WDR41: variants seen among roughly 807,000 people sequenced by gnomAD.
The protein encoded by WDR41 is WD repeat domain 41.
Under a neutral mutation model 69.3 loss-of-function variants are expected in WDR41, and 63 were observed. That is an observed-to-expected ratio of 0.91 (90% confidence interval 0.74 to 1.12). The LOEUF (loss-of-function observed/expected upper bound fraction) is 1.12. Among genes scored for constraint, WDR41 ranks in the 50% most tolerant of loss-of-function variants. The probability of loss-of-function intolerance (pLI) is 0.00; values close to 1 mark genes in which losing one functional copy is unlikely to be tolerated. For missense variants in WDR41, 543 were observed against 534.5 expected (o/e 1.02, Z -0.16); for synonymous variants, 185 against 192.1 (o/e 0.96, Z 0.31).
At chr5:77,569,078 G>A (rs1217273455) in intron 1 of WDR41, among the ~76,000 whole-genome samples, 1 of 151,920 alleles carries the variant, frequency 6.6e-6, no homozygotes, top group African/African-American at 2.4e-5. Context: ...ATGCTTTCAG[G>A]TTCTTTCATC....
At chr5:77,474,546 C>T (rs1016055035) in intron 2 of WDR41, among the ~76,000 whole-genome samples, 2 of 152,060 alleles carry the variant, frequency 1.3e-5, no homozygotes, top group African/African-American at 2.4e-5. Context: ...TTGAAGGAAA[C>T]GTCAAAGCAT....
intron 1 of WDR41, among the ~76,000 whole-genome samples, chr5:77,589,033 G>A (rs1395263804): frequency 1.3e-5 from 2 of 152,060 alleles, no homozygotes; most frequent in African/African-American, 4.8e-5. Flanking sequence ...ATCACAAAAA[G>A]GACATTATTT....
At chr5:77,446,668 A>C (rs1398565899) in intron 8 of WDR41, among the ~76,000 whole-genome samples, 2 of 152,228 alleles carry the variant, frequency 1.3e-5, no homozygotes, top group Non-Finnish European at 2.9e-5. Context: ...AAAAACAAGC[A>C]ATGGGGAAAG....
intron 1 of WDR41, among the ~76,000 whole-genome samples, chr5:77,570,104 A>T (rs972471649): frequency 6.6e-6 from 1 of 152,144 alleles, no homozygotes; most frequent in African/African-American, 2.4e-5. Flanking sequence ...GATAAAAATA[A>T]GTATCAGGAA....
At chr5:77,600,177 G>A (rs1303326125) in intron 1 of WDR41, among the ~76,000 whole-genome samples, 1 of 152,080 alleles carries the variant, frequency 6.6e-6, no homozygotes, top group Non-Finnish European at 1.5e-5. Context: ...ACTGATCTAT[G>A]TACTCAAGTC....
chr5:77,434,734 T>C (rs1798873796), intron 12 of WDR41, among the ~76,000 whole-genome samples: 1 of 152,040 alleles, frequency 6.6e-6, no homozygotes, highest in Admixed American at 6.6e-5. Context: ...CAGGTGACAC[T>C]GCAAAGATAG....
chr5:77,502,809 C>A (rs1032286650), intron 1 of WDR41, among the ~76,000 whole-genome samples: 1 of 152,140 alleles, frequency 6.6e-6, no homozygotes, highest in Non-Finnish European at 1.5e-5. Context: ...TACAGACAGG[C>A]AAATGCTGAG....
intron 8 of WDR41, among the ~76,000 whole-genome samples, chr5:77,443,328 G>C (rs987052849): frequency 2.0e-5 from 3 of 152,084 alleles, no homozygotes; most frequent in African/African-American, 7.2e-5. Flanking sequence ...GAGTAATTAT[G>C]ATTTAATTAT....
chr5:77,474,305 G>A (rs1461022605), intron 2 of WDR41, among the ~76,000 whole-genome samples: 1 of 151,996 alleles, frequency 6.6e-6, no homozygotes, highest in African/African-American at 2.4e-5. Flanking sequence ...GGAGTGGGGA[G>A]GGATAGCATT....
intron 1 of WDR41, among the ~76,000 whole-genome samples, chr5:77,619,859 C>T (rs76374906): frequency 0.013 from 1,939 of 152,092 alleles, 46 homozygotes; most frequent in African/African-American, 0.045. Context: ...CCAAAAGGTG[C>T]CTCTGTATAC....
rs1244180449 is a variant in WDR41, at chr5:77,492,160, C to T, written c.51+10G>A. The stretch of plus-strand genomic sequence containing the variant: ...TCGACGGACGCAGAGCAGACCCACC[C>T]GGGGTTTACCTCGGCCAGTCCCTGC... On this transcript the variant is annotated intron_variant, in intron 1 of 12. Coordinates refer to ENST00000296679, the MANE Select transcript of WDR41 (RefSeq NM_018268.4). 3 of 1,611,486 alleles carry T rather than the reference C, an allele frequency of 1.9e-6. No homozygotes were observed. The highest frequency in any genetic ancestry group is 2.5e-6 in the Non-Finnish European group (3 of 1,179,126).
chr5:77,567,373 C>T (rs796811017), intron 1 of WDR41, among the ~76,000 whole-genome samples: 12 of 152,038 alleles, frequency 7.9e-5, no homozygotes, highest in African/African-American at 2.9e-4. Flanking sequence ...GTCATTAAGC[C>T]ACCAGAGAAA....
At chr5:77,494,202 A>G (rs138105055), upstream of WDR41, among the ~76,000 whole-genome samples, 61 of 152,344 alleles carry the variant, frequency 4.0e-4, no homozygotes, top group African/African-American at 1.4e-3. Flanking sequence ...GAATCAAAAC[A>G]TTTACTACAA....
At chr5:77,558,023 C>T (rs572137285) in intron 1 of WDR41, among the ~76,000 whole-genome samples, 157 of 145,576 alleles carry the variant, frequency 1.1e-3, no homozygotes, top group African/African-American at 3.7e-3. Context: ...AAAAACCCCA[C>T]GTCAGTGTAA....
At chr5:77,568,639 G>A (rs1743679410) in intron 1 of WDR41, among the ~76,000 whole-genome samples, 1 of 152,142 alleles carries the variant, frequency 6.6e-6, no homozygotes, top group African/African-American at 2.4e-5. Context: ...TCTTTGTGAT[G>A]ACTAAACAAT....
chr5:77,499,805 C>A (rs1801990703), intron 1 of WDR41, among the ~76,000 whole-genome samples: 1 of 152,140 alleles, frequency 6.6e-6, no homozygotes, highest in Admixed American at 6.5e-5. Flanking sequence ...TTAGTGTAAA[C>A]TGAGTTAATA....
chr5:77,522,874 G>A (rs76493490), intron 1 of WDR41, among the ~76,000 whole-genome samples: 1,782 of 152,220 alleles, frequency 0.012, 33 homozygotes, highest in African/African-American at 0.04. Flanking sequence ...AAAACAACAC[G>A]GGATTAAAGA....
At chr5:77,457,760 T>C (rs1220968615) in intron 5 of WDR41, among the ~76,000 whole-genome samples, 1 of 136,222 alleles carries the variant, frequency 7.3e-6, no homozygotes, top group Non-Finnish European at 1.5e-5. Context: ...TTGGATAAAC[T>C]ATCTATTCAA....
intron 1 of WDR41, among the ~76,000 whole-genome samples, chr5:77,520,136 C>T (rs1470648765): frequency 1.3e-5 from 2 of 152,096 alleles, no homozygotes; most frequent in Non-Finnish European, 2.9e-5. Flanking sequence ...AGATCACTCT[C>T]TGACAGAGTT....
Sources: gnomAD v4.1 joint callset for allele counts (sites outside exome capture counted in the v4.1 genomes callset) on GRCh38, gnomAD v4.1.1 for gene constraint, MANE v1.5 for transcripts, NCBI Gene and HGNC (gene_info 2026-07-23, HGNC 2026-07-21) for gene names.